Variants in ASTN1 observed in about 807,000 individuals in gnomAD.
The protein encoded by ASTN1 is astrotactin 1.
A neutral mutation model predicts 140.7 loss-of-function variants in ASTN1; 41 were observed. That is an observed-to-expected ratio of 0.29 (90% CI 0.23 to 0.38). ASTN1 has a LOEUF of 0.38. Ranked by LOEUF, ASTN1 falls within the 10% of genes least tolerant of loss-of-function variation. The pLI, the probability that ASTN1 is intolerant of heterozygous loss-of-function variation, is 1.00. For synonymous variants in ASTN1, 640 were observed against 652.2 expected (o/e 0.98, Z 0.29); for missense variants, 1,479 against 1,678.8 (o/e 0.88, Z 2.08).
intron 8 of ASTN1, among the ~76,000 whole-genome samples, chr1:177,003,639 T>C (rs956937315): frequency 1.4e-4 from 21 of 151,890 alleles, no homozygotes; most frequent in Non-Finnish European, 1.5e-5. Context: ...GGTGAAACCC[T>C]GTCTCTACTA....
intron 16 of ASTN1, among the ~76,000 whole-genome samples, chr1:176,922,556 C>CAAAAAAAAAAAAAAAAAAA (rs71129589): frequency 2.2e-4 from 17 of 77,584 alleles, no homozygotes; most frequent in South Asian, 5.4e-4. Context: ...GCCCCCACTG[C>CAAAAAAAAAAAAAAAAAAA]AAAAAAAAAA....
chr1:176,860,524 C>T (rs1667929269), downstream of ASTN1, among the ~76,000 whole-genome samples: 1 of 152,224 alleles, frequency 6.6e-6, no homozygotes, highest in Non-Finnish European at 1.5e-5. Flanking sequence ...GGGCTACCCA[C>T]CATGAAGCAT....
rs202163703 is a variant in ASTN1 at position 176,946,031 on chromosome 1, C to T, written c.2144G>A (p.Ser715Asn). 1 of 1,614,032 alleles carries T rather than the reference C, an allele frequency of 6.2e-7. No homozygotes were observed. The highest frequency in any genetic ancestry group is 1.3e-5 in the African/African-American group (1 of 74,926). The change falls in exon 13 of 23, where the codon AGC (serine) becomes AAC (asparagine). Residue 715 changes from serine (S) to asparagine (N), a missense_variant. By Grantham distance (46) the Ser-to-Asn change is conservative. This residue lies in a region of ASTN1 where 746 missense variants were observed against 800.9 expected (regional missense o/e 0.93). Coordinates refer to ENST00000361833, the MANE Select transcript of ASTN1 (RefSeq NM_004319.3). ...GGTCTGGTTCATGGGAAGCTCCCTG[C>T]TTTCCCCACAGTCACTTCCCTCTGG... ...TCPEGSDCGE[S>N]RELPMNQTLF...
intron 8 of ASTN1, among the ~76,000 whole-genome samples, chr1:176,969,162 G>A (rs1370830701): frequency 1.3e-5 from 2 of 151,882 alleles, no homozygotes; most frequent in Admixed American, 6.6e-5. Context: ...CCGCCTCCCC[G>A]CCAAAAAAAG....
intron 17 of ASTN1, among the ~76,000 whole-genome samples, chr1:176,889,959 G>T (rs1475212604): frequency 6.6e-6 from 1 of 152,198 alleles, no homozygotes; most frequent in East Asian, 1.9e-4. Flanking sequence ...AAGGTGCATT[G>T]CTTAAAACTA....
intron 1 of ASTN1, among the ~76,000 whole-genome samples, chr1:177,070,987 C>A (rs186704133): frequency 1.3e-5 from 2 of 152,162 alleles, no homozygotes; most frequent in Admixed American, 1.3e-4. Flanking sequence ...AATTGAGCAA[C>A]AATCTTTGAC....
intron 16 of ASTN1, among the ~76,000 whole-genome samples, chr1:176,924,165 A>G (rs755224755): frequency 6.6e-6 from 1 of 152,194 alleles, no homozygotes; most frequent in Non-Finnish European, 1.5e-5. Flanking sequence ...TCTTCTCTAC[A>G]TACCCCATCC....
chr1:177,086,752 C>T (rs1679489606), intron 1 of ASTN1, among the ~76,000 whole-genome samples: 1 of 152,094 alleles, frequency 6.6e-6, no homozygotes, highest in African/African-American at 2.4e-5. Context: ...TAGTTTGTTT[C>T]TAGAAAATAG....
At chr1:177,146,096 T>C (rs1255608164) in intron 1 of ASTN1, among the ~76,000 whole-genome samples, 1 of 152,088 alleles carries the variant, frequency 6.6e-6, no homozygotes, top group East Asian at 1.9e-4. Flanking sequence ...CCATATATTT[T>C]ATTAAAAAAA....
chr1:176,873,675 C>T (rs1668443907), intron 21 of ASTN1, among the ~76,000 whole-genome samples: 1 of 152,136 alleles, frequency 6.6e-6, no homozygotes, highest in African/African-American at 2.4e-5. Context: ...CAAGGATACC[C>T]TCAATTAGTC....
At chr1:176,924,428 T>G (rs1251543942) in intron 16 of ASTN1, among the ~76,000 whole-genome samples, 1 of 152,234 alleles carries the variant, frequency 6.6e-6, no homozygotes, top group Non-Finnish European at 1.5e-5. Context: ...CATCTGGATT[T>G]ACTTCAATCC....
At chr1:177,044,176 T>TACACACACAC (rs3979531) in intron 2 of ASTN1, among the ~76,000 whole-genome samples, 29 of 143,384 alleles carry the variant, frequency 2.0e-4, no homozygotes, top group Admixed American at 1.2e-3. Context: ...AAAAAAAAAA[T>TACACACACAC]ACACACACAC....
At chr1:177,026,885 C>A (rs1676143794) in intron 5 of ASTN1, among the ~76,000 whole-genome samples, 1 of 152,156 alleles carries the variant, frequency 6.6e-6, no homozygotes, top group East Asian at 1.9e-4. Context: ...ACCTATCCTG[C>A]ATGTTGTCCC....
At chr1:177,049,841 G>A (rs571432340) in intron 2 of ASTN1, among the ~76,000 whole-genome samples, 3 of 152,264 alleles carry the variant, frequency 2.0e-5, no homozygotes, top group Middle Eastern at 3.4e-3. Flanking sequence ...TGGTCCTGCC[G>A]TGGAAAGACT....
intron 1 of ASTN1, among the ~76,000 whole-genome samples, chr1:177,158,482 T>G (rs1683338444): frequency 6.6e-6 from 1 of 152,180 alleles, no homozygotes; most frequent in Admixed American, 6.5e-5. Context: ...ATAACAGAGC[T>G]CTTTTTGCCA....
At chr1:177,025,152 C>T (rs1209782188) in intron 5 of ASTN1, among the ~76,000 whole-genome samples, 2 of 152,208 alleles carry the variant, frequency 1.3e-5, no homozygotes, top group African/African-American at 4.8e-5. Context: ...ACTCCACCCC[C>T]ATAGTGCACA....
chr1:176,897,687 A>G (rs1027131680), intron 16 of ASTN1, among the ~76,000 whole-genome samples: 3 of 152,206 alleles, frequency 2.0e-5, no homozygotes, highest in Non-Finnish European at 4.4e-5. Flanking sequence ...CCGGAGAATA[A>G]AAAATTAGAG....
At chr1:176,937,478 G>T (rs573906980) in intron 14 of ASTN1, among the ~76,000 whole-genome samples, 1 of 152,240 alleles carries the variant, frequency 6.6e-6, no homozygotes, top group East Asian at 1.9e-4. Context: ...TCTTAGTGAT[G>T]TTATTAATGG....
In ASTN1 at chr1:176,943,945, T is replaced by TCTC. The variant is rs756101433; in HGVS notation, c.2320_2322dup (p.Glu774dup). The TCTC allele has an allele frequency of 1.4e-5, 23 of 1,614,030 alleles. No homozygotes were observed. The South Asian group carries it at 2.1e-4, about 15-fold the overall frequency. On this transcript the variant is annotated inframe_insertion, in exon 14 of 23. Transcript: ENST00000361833. ...TCCGAGATCTCCTCTAGGCATTGAT[T>TCTC]CTCCAGGGGCACAGTGGCCACCACA...
Sources: gnomAD v4.1 joint callset for allele counts (sites outside exome capture counted in the v4.1 genomes callset) on GRCh38, gnomAD v4.1.1 for gene constraint, gnomAD v4.1.1 regional missense constraint, MANE v1.5 for transcripts, NCBI Gene and HGNC (gene_info 2026-07-23, HGNC 2026-07-21) for gene names.